SLIT3: variants seen among roughly 807,000 people sequenced by gnomAD.
SLIT3 encodes the protein slit homolog 3 protein.
SLIT3 carries 68 observed loss-of-function variants against 184.0 expected under a neutral mutation model. The ratio of observed to expected loss-of-function variants is 0.37; its 90% confidence interval spans 0.30 to 0.45. The LOEUF is 0.45. SLIT3 is among the 20% of genes least tolerant of loss of function. The pLI is 1.00. For synonymous variants in SLIT3, 831 were observed against 828.6 expected, an observed-to-expected ratio of 1.00 and a Z score of -0.05; for missense variants, 1,707 against 2,026.0, an observed-to-expected ratio of 0.84 and a Z score of 3.02.
rs1030297625 is a variant in SLIT3 at position 169,006,975 on chromosome 5, G to A, written c.414-123639C>T. ...GCAACCTGTAATGTGGTTAGGATCC[G>A]TGTCCCCACCCAAGTCTCATTTCAA... is the stretch of plus-strand genomic sequence containing the variant. On this transcript the variant is annotated intron_variant, in intron 4 of 35. Coordinates refer to ENST00000519560, the MANE Select transcript of SLIT3 (RefSeq NM_003062.4). 2.4e-4 allele frequency among the ~76,000 whole-genome samples: 36 copies of A among 149,958 alleles called. 1 individual carries two copies. The highest frequency in any genetic ancestry group is 7.8e-4 in the African/African-American group (32 of 40,958).
chr5:169,030,206 C>T (rs757895931), intron 4 of SLIT3, among the ~76,000 whole-genome samples: 25 of 152,376 alleles, frequency 1.6e-4, no homozygotes, highest in South Asian at 8.3e-4. Context: ...GACTTTCTGA[C>T]TGCCCCTTGG....
intron 4 of SLIT3, among the ~76,000 whole-genome samples, chr5:168,885,290 T>C (rs1425841707): frequency 6.6e-6 from 1 of 152,200 alleles, no homozygotes; most frequent in Admixed American, 6.5e-5. Flanking sequence ...CAGTTTCCTC[T>C]GTCTGCAACC....
At position 169,264,574 on chromosome 5, in the gene SLIT3, C is replaced by T. The variant is rs1280320377; in HGVS notation, c.198-13115G>A. Among the ~76,000 whole-genome samples the T allele has an allele frequency of 4.6e-5, 7 of 152,272 alleles. No individual in the cohort carries two copies. The South Asian group carries it at 1.5e-3, about 32-fold the overall frequency. ...CTTCCTCTGTCTCCTCTCCCCAGTC[C>T]AAAGGACCTAATGCCACCCACCCAG... On this transcript the variant is annotated intron_variant, in intron 1 of 35. Coordinates refer to ENST00000519560, the MANE Select transcript of SLIT3 (RefSeq NM_003062.4).
chr5:169,016,000 C>T (rs1298089894), intron 4 of SLIT3, among the ~76,000 whole-genome samples: 1 of 149,312 alleles, frequency 6.7e-6, no homozygotes, highest in East Asian at 2.0e-4. Context: ...TTCTGTCTGC[C>T]CCCTTGCTCT....
In SLIT3 at chr5:169,153,221, G is replaced by A. The variant is rs139323371; in HGVS notation, c.413+40258C>T. 7.6e-3 allele frequency among the ~76,000 whole-genome samples: 1,151 copies of A among 152,218 alleles called. 9 individuals carry two copies. The highest frequency in any genetic ancestry group is 0.011 in the Non-Finnish European group (741 of 68,008). On this transcript the variant is annotated intron_variant, in intron 4 of 35. Transcript: ENST00000519560. ...CCATTTGGGCCAATGGGGAGGGGAG[G>A]AGGAATCCTCAGCCCCACCCCACCC...
intron 4 of SLIT3, among the ~76,000 whole-genome samples, chr5:169,179,505 A>G (rs977978872): frequency 7.2e-5 from 11 of 152,164 alleles, no homozygotes; most frequent in African/African-American, 9.7e-5. Context: ...AACTGCATCA[A>G]AAACAACATT....
intron 5 of SLIT3, among the ~76,000 whole-genome samples, chr5:168,861,195 G>T (rs185426241): frequency 0.013 from 2,048 of 152,224 alleles, 44 homozygotes; most frequent in African/African-American, 0.046. Context: ...CCATGTTGGT[G>T]TGCTGCACCC....
intron 4 of SLIT3, among the ~76,000 whole-genome samples, chr5:168,974,017 C>T (rs952094294): frequency 4.6e-5 from 7 of 152,200 alleles, no homozygotes; most frequent in African/African-American, 1.4e-4. Context: ...ATCTCATTCT[C>T]GTGTTGTTTG....
At chr5:168,669,687 T>A (rs1169694756) in intron 35 of SLIT3, 96 bp downstream of exon 35, 2 of 1,007,128 alleles carry the variant, frequency 2.0e-6, no homozygotes, top group African/African-American at 3.2e-5. Flanking sequence ...CATGCAGCCT[T>A]TAAGTGGCAC....
At chr5:169,093,217 T>C (rs1370340421) in intron 4 of SLIT3, among the ~76,000 whole-genome samples, 1 of 152,174 alleles carries the variant, frequency 6.6e-6, no homozygotes, top group East Asian at 1.9e-4. Flanking sequence ...TCTTCTTTAC[T>C]GGTTTCATTC....
intron 6 of SLIT3, among the ~76,000 whole-genome samples, chr5:168,833,225 C>G (rs1240561524): frequency 1.3e-5 from 2 of 152,186 alleles, no homozygotes; most frequent in Middle Eastern, 3.2e-3. Flanking sequence ...TTTTTGTGGA[C>G]AGTCGAAACT....
At chr5:168,678,957 G>T (rs575171290) in intron 32 of SLIT3, among the ~76,000 whole-genome samples, 1 of 152,328 alleles carries the variant, frequency 6.6e-6, no homozygotes, top group South Asian at 2.1e-4. Flanking sequence ...CCAAGTGGGA[G>T]GTGGAGAGCT....
chr5:169,219,632 C>T (rs1764558039), intron 3 of SLIT3, among the ~76,000 whole-genome samples: 2 of 152,260 alleles, frequency 1.3e-5, no homozygotes, highest in East Asian at 1.9e-4. Context: ...GGGGCTCACC[C>T]CACGACCCAC....
chr5:168,891,168 G>A (rs192673212), intron 4 of SLIT3, among the ~76,000 whole-genome samples: 9 of 152,278 alleles, frequency 5.9e-5, no homozygotes, highest in Admixed American at 5.2e-4. Context: ...AAATGTTAAA[G>A]TCTAATTTTA....
At chr5:168,865,557 T>C (rs1241734090) in intron 5 of SLIT3, among the ~76,000 whole-genome samples, 1 of 152,202 alleles carries the variant, frequency 6.6e-6, no homozygotes, top group Non-Finnish European at 1.5e-5. Context: ...AGAAAGCAGA[T>C]TGGTGTTCGC....
chr5:169,137,335 C>CAGAGAGAGAGAGAGAGAGAGAGAG (rs1554101372), intron 4 of SLIT3, among the ~76,000 whole-genome samples: 6 of 138,550 alleles, frequency 4.3e-5, no homozygotes, highest in South Asian at 5.0e-4. Context: ...CACACACACA[C>CAGAGAGAGAGAGAGAGAGAGAGAG]AGAGAGAGAG....
intron 4 of SLIT3, among the ~76,000 whole-genome samples, chr5:169,068,272 A>G (rs915553090): frequency 1.3e-5 from 2 of 152,344 alleles, no homozygotes; most frequent in African/African-American, 2.4e-5. Context: ...TTCTTCACTT[A>G]TATCTCGCCA....
intron 27 of SLIT3, among the ~76,000 whole-genome samples, chr5:168,698,215 T>C (rs756443312): frequency 3.9e-5 from 6 of 152,188 alleles, no homozygotes; most frequent in Admixed American, 6.6e-5. Context: ...ATGGGTTGAA[T>C]TGTGTTCCCC....
At chr5:168,768,090 T>G (rs1581059538) in intron 14 of SLIT3, 2 of 417,796 alleles carry the variant, frequency 4.8e-6, no homozygotes, top group East Asian at 6.9e-5. Flanking sequence ...TGGGCTGCGG[T>G]GCTCCAGAGC....
Sources: allele counts gnomAD v4.1 joint callset (sites outside exome capture counted in the v4.1 genomes callset), GRCh38; gene constraint gnomAD v4.1.1; transcripts MANE v1.5; gene names NCBI Gene and HGNC (gene_info 2026-07-23, HGNC 2026-07-21).